ROBO2: variants seen among roughly 807,000 people sequenced by gnomAD.
The protein encoded by ROBO2 is roundabout guidance receptor 2, also known as roundabout homolog 2.
ROBO2 carries 53 observed loss-of-function variants against 160.8 expected under a neutral mutation model. That is an observed-to-expected ratio of 0.33 (90% CI 0.26 to 0.41). The LOEUF is 0.41. Ranked by LOEUF, ROBO2 falls within the 10% of genes least tolerant of loss-of-function variation. The pLI, the probability that ROBO2 is intolerant of heterozygous loss-of-function variation, is 1.00. For synonymous variants in ROBO2, 664 were observed against 611.7 expected (o/e 1.09, Z -1.26); for missense variants, 1,577 against 1,722.4 (o/e 0.92, Z 1.49).
intron 2 of ROBO2, among the ~76,000 whole-genome samples, chr3:77,192,408 A>G (rs1402914695): frequency 6.6e-6 from 1 of 152,158 alleles, no homozygotes; most frequent in Non-Finnish European, 1.5e-5. Flanking sequence ...CTTAGGACCA[A>G]TTCCTATAGA....
At chr3:77,618,586 G>T (rs1202638717) in intron 22 of ROBO2, among the ~76,000 whole-genome samples, 4 of 152,050 alleles carry the variant, frequency 2.6e-5, no homozygotes, top group South Asian at 4.2e-4. Flanking sequence ...TACCCTTTGT[G>T]CTTGAAGTCT....
At chr3:77,425,727 T>C (rs1290980818) in intron 2 of ROBO2, among the ~76,000 whole-genome samples, 3 of 151,258 alleles carry the variant, frequency 2.0e-5, no homozygotes, top group African/African-American at 4.9e-5. Context: ...TGCAGTGGCA[T>C]GATCTCGGCT....
At chr3:76,879,891 G>A (rs2073162508) in intron 2 of ROBO2, among the ~76,000 whole-genome samples, 1 of 152,128 alleles carries the variant, frequency 6.6e-6, no homozygotes, top group Admixed American at 6.6e-5. Context: ...GTAATATGAT[G>A]TCTTTCACAT....
chr3:77,434,650 A>G (rs1383339963), intron 2 of ROBO2, among the ~76,000 whole-genome samples: 1 of 152,130 alleles, frequency 6.6e-6, no homozygotes, highest in Non-Finnish European at 1.5e-5. Context: ...AAGAAGGTTT[A>G]GTGCTTATTT....
At chr3:77,257,981 A>T (rs928474280) in intron 2 of ROBO2, among the ~76,000 whole-genome samples, 3 of 152,330 alleles carry the variant, frequency 2.0e-5, no homozygotes, top group African/African-American at 7.2e-5. Context: ...AAATGTCTTG[A>T]CTAGAATTTG....
intron 2 of ROBO2, among the ~76,000 whole-genome samples, chr3:76,281,881 T>C (rs1375608371): frequency 6.6e-6 from 1 of 151,914 alleles, no homozygotes; most frequent in Non-Finnish European, 1.5e-5. Context: ...GACCCAAAGA[T>C]CCAAAGATAA....
chr3:77,168,796 C>T (rs989383567), intron 2 of ROBO2, among the ~76,000 whole-genome samples: 4 of 152,250 alleles, frequency 2.6e-5, no homozygotes, highest in Non-Finnish European at 4.4e-5. Context: ...TGCTTTCTAC[C>T]GAATGTGAAT....
chr3:77,260,520 A>G (rs1051686605), intron 2 of ROBO2, among the ~76,000 whole-genome samples: 3 of 152,134 alleles, frequency 2.0e-5, no homozygotes, highest in African/African-American at 7.2e-5. Context: ...GAATTCCTCA[A>G]AGGTGATTCA....
intron 2 of ROBO2, among the ~76,000 whole-genome samples, chr3:76,736,993 G>A (rs1200373790): frequency 6.6e-6 from 1 of 152,158 alleles, no homozygotes; most frequent in African/African-American, 2.4e-5. Flanking sequence ...CCCAAGATGT[G>A]CATATATGAA....
At chr3:77,013,380 A>G (rs747158420) in intron 2 of ROBO2, among the ~76,000 whole-genome samples, 1 of 152,174 alleles carries the variant, frequency 6.6e-6, no homozygotes, top group Non-Finnish European at 1.5e-5. Flanking sequence ...GGAGTGAAAT[A>G]CAAAGAAGAA....
chr3:76,152,480 G>A (rs2072249009), intron 2 of ROBO2, among the ~76,000 whole-genome samples: 1 of 152,198 alleles, frequency 6.6e-6, no homozygotes, highest in African/African-American at 2.4e-5. Context: ...GATTTTGTGA[G>A]TATACATTTA....
At chr3:76,704,281 C>T (rs1274077835) in intron 2 of ROBO2, among the ~76,000 whole-genome samples, 1 of 152,126 alleles carries the variant, frequency 6.6e-6, no homozygotes, top group Non-Finnish European at 1.5e-5. Flanking sequence ...AACATTCACA[C>T]AGCAATTGCT....
chr3:76,407,814 T>C (rs955216691), intron 2 of ROBO2, among the ~76,000 whole-genome samples: 25 of 152,180 alleles, frequency 1.6e-4, no homozygotes, highest in South Asian at 4.1e-4. Flanking sequence ...AAAGAAACCA[T>C]GATGCAGAAC....
At chr3:76,847,038 G>T (rs186428267) in intron 2 of ROBO2, among the ~76,000 whole-genome samples, 1 of 151,954 alleles carries the variant, frequency 6.6e-6, no homozygotes, top group South Asian at 2.1e-4. Flanking sequence ...AAAACCACTG[G>T]TCTACTTTGT....
intron 2 of ROBO2, among the ~76,000 whole-genome samples, chr3:76,069,876 G>C (rs1160056884): frequency 6.6e-6 from 1 of 152,100 alleles, no homozygotes; most frequent in African/African-American, 2.4e-5. Flanking sequence ...ACATTTATTG[G>C]TTCCCCAAAT....
intron 2 of ROBO2, among the ~76,000 whole-genome samples, chr3:76,759,333 G>A (rs1001611995): frequency 4.6e-5 from 7 of 151,752 alleles, no homozygotes; most frequent in African/African-American, 1.7e-4. Flanking sequence ...TTAATTAAAT[G>A]TCAGAATTTA....
intron 2 of ROBO2, among the ~76,000 whole-genome samples, chr3:77,352,347 C>G (rs927364018): frequency 5.9e-5 from 9 of 152,000 alleles, no homozygotes; most frequent in Non-Finnish European, 4.4e-5. Flanking sequence ...GGCTTCTTTA[C>G]AATTCGTGCA....
chr3:76,880,906 A>G (rs2073272336), intron 2 of ROBO2, among the ~76,000 whole-genome samples: 1 of 152,158 alleles, frequency 6.6e-6, no homozygotes. Flanking sequence ...AAAGAATCTT[A>G]TTTTGTTTAT....
intron 2 of ROBO2, among the ~76,000 whole-genome samples, chr3:77,178,531 T>TA (rs1297261122): frequency 1.3e-5 from 2 of 151,926 alleles, no homozygotes; most frequent in Non-Finnish European, 2.9e-5. Flanking sequence ...AATGAAAAAA[T>TA]ACCCATCCTT....
Sources: allele counts gnomAD v4.1 joint callset (sites outside exome capture counted in the v4.1 genomes callset), GRCh38; gene constraint gnomAD v4.1.1; transcripts MANE v1.5; gene names NCBI Gene and HGNC (gene_info 2026-07-23, HGNC 2026-07-21).